Variants in COX16 observed in about 807,000 individuals in gnomAD.
COX16 encodes cytochrome c oxidase assembly protein COX16 homolog, mitochondrial.
In COX16, 12 loss-of-function variants were observed where a neutral mutation model predicts 15.4. The observed-to-expected ratio is 0.78, with a 90% CI of 0.50 to 1.26. The LOEUF is 1.26. Among genes scored for constraint, COX16 ranks in the 50% most tolerant of loss-of-function variants. The pLI is 0.00. For synonymous variants in COX16, 46 were observed against 41.1 expected (o/e 1.12, Z -0.46); for missense variants, 124 against 127.6 (o/e 0.97, Z 0.14).
At chr14:70,340,893 C>A (rs1407698590) in intron 2 of COX16, among the ~76,000 whole-genome samples, 1 of 152,146 alleles carries the variant, frequency 6.6e-6, no homozygotes, top group African/African-American at 2.4e-5. Context: ...AAACTATACA[C>A]CTCTCCTTGA....
At chr14:70,327,223 T>A (rs1886109388) in intron 3 of COX16, among the ~76,000 whole-genome samples, 1 of 152,206 alleles carries the variant, frequency 6.6e-6, no homozygotes, top group South Asian at 2.1e-4. Flanking sequence ...TAAATTTACC[T>A]TGACACTTGG....
chr14:70,334,671 T>C (rs1325637234), intron 2 of COX16, among the ~76,000 whole-genome samples: 42 of 152,154 alleles, frequency 2.8e-4, no homozygotes, highest in Admixed American at 2.8e-3. Flanking sequence ...ATGTTTTCTG[T>C]AAGCCTTGAG....
chr14:70,335,204 C>G (rs1244995039), intron 2 of COX16, among the ~76,000 whole-genome samples: 1 of 152,042 alleles, frequency 6.6e-6, no homozygotes, highest in Non-Finnish European at 1.5e-5. Flanking sequence ...ATATACAAAG[C>G]AAATATTAAC....
intron 1 of COX16, among the ~76,000 whole-genome samples, chr14:70,346,966 A>G (rs370076997): frequency 5.3e-5 from 8 of 151,266 alleles, no homozygotes; most frequent in Non-Finnish European, 7.4e-5. Context: ...ACTTTCTTCT[A>G]CTCCTCCAAC....
chr14:70,334,184 A>G (rs1384530441), intron 2 of COX16, among the ~76,000 whole-genome samples: 1 of 152,204 alleles, frequency 6.6e-6, no homozygotes, highest in Non-Finnish European at 1.5e-5. Flanking sequence ...CAAAACTATT[A>G]AAAATAGTAA....
rs1463037815 is a variant in COX16 at position 70,342,657 on chromosome 14, C to T, written c.141+1G>A. The T allele has an allele frequency of 1.2e-6, 2 of 1,609,846 alleles. No individual in the cohort carries two copies. The highest frequency in any genetic ancestry group is 1.7e-6 in the Non-Finnish European group (2 of 1,178,998). ...TGTCAAACTCTAATTATATTTCTTA[C>T]TTTACTCTTCACAGCATCATATCGG... On this transcript the variant is annotated splice_donor_variant, in intron 2 of 3. Coordinates refer to ENST00000389912, the MANE Select transcript of COX16 (RefSeq NM_016468.7). LOFTEE classifies it high-confidence loss of function.
intron 2 of COX16, among the ~76,000 whole-genome samples, chr14:70,329,721 CAA>C (rs199721497): frequency 3.4e-4 from 40 of 117,930 alleles, no homozygotes; most frequent in African/African-American, 5.9e-4. Context: ...AGATATCTAC[CAA>C]AAAAAAAAAA....
At chr14:70,331,130 C>T (rs1250606617) in intron 2 of COX16, among the ~76,000 whole-genome samples, 3 of 152,118 alleles carry the variant, frequency 2.0e-5, no homozygotes, top group Non-Finnish European at 4.4e-5. Context: ...GCTTCAGCCT[C>T]CCGAGTAGCT....
At chr14:70,333,146 C>T (rs993866876) in intron 2 of COX16, among the ~76,000 whole-genome samples, 2 of 152,174 alleles carry the variant, frequency 1.3e-5, no homozygotes, top group African/African-American at 4.8e-5. Flanking sequence ...AAGATAAATA[C>T]AGAGGCTCTC....
At chr14:70,351,489 G>A (rs975509766) in intron 1 of COX16, among the ~76,000 whole-genome samples, 20 of 152,012 alleles carry the variant, frequency 1.3e-4, no homozygotes, top group African/African-American at 4.3e-4. Context: ...TCTCTTTACC[G>A]TTAACACAAA....
intron 2 of COX16, among the ~76,000 whole-genome samples, chr14:70,336,109 A>T (rs1886445819): frequency 6.6e-6 from 1 of 152,138 alleles, no homozygotes; most frequent in South Asian, 2.1e-4. Context: ...ACAAAAAATT[A>T]GCCGGGCGTG....
chr14:70,359,285 A>C (rs1232911535), intron 1 of COX16: 2 of 624,030 alleles, frequency 3.2e-6, no homozygotes, highest in Admixed American at 4.2e-5. Flanking sequence ...TCACAAGCAG[A>C]CAGATCCTAG....
chr14:70,341,465 A>G (rs940388549), intron 2 of COX16, among the ~76,000 whole-genome samples: 2 of 152,210 alleles, frequency 1.3e-5, no homozygotes, highest in Admixed American at 1.3e-4. Flanking sequence ...CAAATATCAG[A>G]TATGTGCCAT....
chr14:70,331,434 A>G lies in COX16; in HGVS notation c.142-2198T>C, dbSNP rs772990737. On this transcript the variant is annotated intron_variant, in intron 2 of 3. Transcript: ENST00000389912. The stretch of plus-strand genomic sequence containing the variant: ...TAGTAGGAAAAAAACCCAATAATCC[A>G]GTAGAAAAAAATGAGCAAGAGGCCT... Among the ~76,000 whole-genome samples the G allele has an allele frequency of 1.4e-4, 21 of 152,334 alleles. No individual in the cohort carries two copies. The South Asian group carries it at 1.9e-3, about 14-fold the overall frequency.
At chr14:70,358,920 G>A (rs1278066535) in intron 1 of COX16, among the ~76,000 whole-genome samples, 2 of 152,178 alleles carry the variant, frequency 1.3e-5, no homozygotes, top group South Asian at 2.1e-4. Flanking sequence ...ACGTGCTTTA[G>A]AAATTATAAC....
intron 1 of COX16, among the ~76,000 whole-genome samples, chr14:70,345,989 T>C (rs1050759787): frequency 1.3e-5 from 2 of 151,948 alleles, no homozygotes; most frequent in Admixed American, 1.3e-4. Flanking sequence ...CACCATCCCC[T>C]CCTCGGGACA....
chr14:70,350,441 A>C (rs10140161), intron 1 of COX16, among the ~76,000 whole-genome samples: 132,513 of 152,178 alleles, frequency 0.87, 57,764 homozygotes, highest in East Asian at 0.93. Flanking sequence ...TCAGTGTTGT[A>C]CATTGGCGCG....
intron 1 of COX16, among the ~76,000 whole-genome samples, chr14:70,349,069 C>A (rs1244421033): frequency 2.0e-5 from 3 of 152,216 alleles, no homozygotes; most frequent in Non-Finnish European, 4.4e-5. Context: ...TTCTTCCTCA[C>A]TCTCAAAGCC....
intron 1 of COX16, among the ~76,000 whole-genome samples, chr14:70,357,158 CAAAAAAAAA>C (rs4048531): frequency 7.6e-5 from 6 of 78,700 alleles, no homozygotes; most frequent in African/African-American, 1.4e-4. Flanking sequence ...AAGCGTTTGT[CAAAAAAAAA>C]AAAAAAAAAA....
Sources: gnomAD v4.1 joint callset for allele counts (sites outside exome capture counted in the v4.1 genomes callset) on GRCh38, gnomAD v4.1.1 for gene constraint, MANE v1.5 for transcripts, NCBI Gene and HGNC (gene_info 2026-07-23, HGNC 2026-07-21) for gene names.